The following NUDT3 variants were observed in gnomAD, a reference collection of about 807,000 sequenced individuals.
NUDT3 encodes the protein diphosphoinositol polyphosphate phosphohydrolase 1.
In NUDT3, 9 loss-of-function variants were observed where a neutral mutation model predicts 23.6. That is an observed-to-expected ratio of 0.38 (90% CI 0.23 to 0.66). The LOEUF (loss-of-function observed/expected upper bound fraction) is 0.66, where lower values mean the gene tolerates loss of function less well. Ranked by LOEUF, NUDT3 falls within the 30% of genes least tolerant of loss-of-function variation. NUDT3 has a pLI of 0.52. For synonymous variants in NUDT3, 86 were observed against 82.6 expected (o/e 1.04, Z -0.22); for missense variants, 172 against 218.5 (o/e 0.79, Z 1.34).
intron 1 of NUDT3, among the ~76,000 whole-genome samples, chr6:34,343,743 G>T (rs1764323668): frequency 6.6e-6 from 1 of 151,946 alleles, no homozygotes; most frequent in African/African-American, 2.4e-5. Context: ...AAGATAAACT[G>T]GAATTTATTG....
intron 1 of NUDT3, 149 bp downstream of exon 1, chr6:34,392,115 T>A: frequency 1.7e-6 from 1 of 601,076 alleles, no homozygotes; most frequent in Non-Finnish European, 2.8e-6. Context: ...CCTTCCCCCT[T>A]TTTTCGCCTC....
At chr6:34,338,778 T>C (rs1171236401) in intron 2 of NUDT3, among the ~76,000 whole-genome samples, 3 of 152,184 alleles carry the variant, frequency 2.0e-5, no homozygotes, top group African/African-American at 7.2e-5. Context: ...TCTCAATTCC[T>C]TGATGGGTTA....
intron 1 of NUDT3, among the ~76,000 whole-genome samples, chr6:34,349,248 A>G (rs1764429857): frequency 6.6e-6 from 1 of 152,180 alleles, no homozygotes; most frequent in Admixed American, 6.5e-5. Context: ...GCAGTAATTC[A>G]GGTTGAGAAA....
chr6:34,378,920 G>A (rs943069922), intron 1 of NUDT3, among the ~76,000 whole-genome samples: 2 of 152,178 alleles, frequency 1.3e-5, no homozygotes, highest in Admixed American at 1.3e-4. Context: ...CATTGTGTAT[G>A]CTTATTGCTT....
chr6:34,381,460 T>C (rs1246567513), intron 1 of NUDT3, among the ~76,000 whole-genome samples: 1 of 150,756 alleles, frequency 6.6e-6, no homozygotes, highest in Non-Finnish European at 1.5e-5. Flanking sequence ...GAAAAAAAAA[T>C]GACCCATACA....
At chr6:34,306,612 C>T (rs774080540) in intron 2 of NUDT3, among the ~76,000 whole-genome samples, 5 of 152,342 alleles carry the variant, frequency 3.3e-5, no homozygotes, top group East Asian at 1.9e-4. Flanking sequence ...TCGCAGAAGG[C>T]GACTGGCTCC....
At chr6:34,387,673 TAAAAAAAAAAAA>T in intron 1 of NUDT3, among the ~76,000 whole-genome samples, 1 of 98,770 alleles carries the variant, frequency 1.0e-5, no homozygotes, top group Non-Finnish European at 2.1e-5. Flanking sequence ...CATCTCTTTT[TAAAAAAAAAAAA>T]AAAAAAAAAA....
chr6:34,354,394 A>AACACACAC (rs370168110), intron 1 of NUDT3, among the ~76,000 whole-genome samples: 6,772 of 137,516 alleles, frequency 0.049, 195 homozygotes, highest in African/African-American at 0.069. Context: ...GATTTCATTA[A>AACACACAC]ACACACACAC....
At chr6:34,368,030 G>A (rs930131657) in intron 1 of NUDT3, among the ~76,000 whole-genome samples, 3 of 152,026 alleles carry the variant, frequency 2.0e-5, no homozygotes, top group Non-Finnish European at 4.4e-5. Context: ...CTGAAACCTC[G>A]TCTCTACTAA....
At chr6:34,391,646 G>A (rs1442900554) in intron 1 of NUDT3, among the ~76,000 whole-genome samples, 1 of 152,146 alleles carries the variant, frequency 6.6e-6, no homozygotes, top group Non-Finnish European at 1.5e-5. Flanking sequence ...TATATCAAAT[G>A]TCTTTTCTTC....
intron 1 of NUDT3, among the ~76,000 whole-genome samples, chr6:34,358,740 T>C (rs1764601875): frequency 6.6e-6 from 1 of 151,892 alleles, no homozygotes; most frequent in Non-Finnish European, 1.5e-5. Context: ...AGAGGAGCAA[T>C]AACCAGAGAG....
intron 1 of NUDT3, among the ~76,000 whole-genome samples, chr6:34,380,851 T>A (rs1417645127): frequency 6.6e-6 from 1 of 152,204 alleles, no homozygotes; most frequent in African/African-American, 2.4e-5. Flanking sequence ...GACGGCCCAG[T>A]GTCCTTCACC....
intron 1 of NUDT3, among the ~76,000 whole-genome samples, chr6:34,384,263 T>C (rs1017270552): frequency 8.5e-5 from 13 of 152,204 alleles, no homozygotes; most frequent in Admixed American, 2.6e-4. Flanking sequence ...CAGCTCCCCT[T>C]TGCCAAGAGA....
intron 4 of NUDT3, among the ~76,000 whole-genome samples, chr6:34,291,381 G>A (rs1763419693): frequency 6.6e-6 from 1 of 151,980 alleles, no homozygotes; most frequent in African/African-American, 2.4e-5. Flanking sequence ...GAACTTTCAA[G>A]GGCTCCTGAT....
In NUDT3 at chr6:34,345,070, C is replaced by T. The variant is rs539769547; in HGVS notation, c.100-3098G>A. ...TTTGTTTTGTTTTGTTTCTTTGAGACGGAGTTTTGTTCTTGTTGCCCAGGC... is the reference window on the plus strand; with the variant it reads ...TTTGTTTTGTTTTGTTTCTTTGAGATGGAGTTTTGTTCTTGTTGCCCAGGC... On this transcript the variant is annotated intron_variant, in intron 1 of 4. Coordinates refer to ENST00000607016, the MANE Select transcript of NUDT3 (RefSeq NM_006703.4). 8.7e-5 allele frequency among the ~76,000 whole-genome samples: 13 copies of T among 148,724 alleles called. No individual in the cohort carries two copies. In the South Asian group the frequency reaches 2.6e-3, roughly 30 times the overall value.
chr6:34,378,314 A>G (rs550787112), intron 1 of NUDT3, among the ~76,000 whole-genome samples: 1 of 152,224 alleles, frequency 6.6e-6, no homozygotes, highest in South Asian at 2.1e-4. Flanking sequence ...GGGGAAAAAA[A>G]GGAAAAATGT....
intron 2 of NUDT3, among the ~76,000 whole-genome samples, chr6:34,334,031 G>A (rs1764168698): frequency 6.6e-6 from 1 of 152,250 alleles, no homozygotes; most frequent in Admixed American, 6.5e-5. Context: ...GGGGGGCTGA[G>A]CCATTGGCGC....
At chr6:34,314,558 CAAA>C (rs397933941) in intron 2 of NUDT3, among the ~76,000 whole-genome samples, 3 of 102,486 alleles carry the variant, frequency 2.9e-5, no homozygotes, top group Non-Finnish European at 4.1e-5. Context: ...GACTCTGTCT[CAAA>C]AAAAAAAAAA....
At chr6:34,322,269 C>T (rs901836303) in intron 2 of NUDT3, among the ~76,000 whole-genome samples, 3 of 150,782 alleles carry the variant, frequency 2.0e-5, no homozygotes, top group South Asian at 2.1e-4. Context: ...TTCGCTCTGT[C>T]GCCCAGGCTG....
Sources: gnomAD v4.1 joint callset for allele counts (sites outside exome capture counted in the v4.1 genomes callset) on GRCh38, gnomAD v4.1.1 for gene constraint, MANE v1.5 for transcripts, NCBI Gene and HGNC (gene_info 2026-07-23, HGNC 2026-07-21) for gene names.